Variants in FRMD1 observed in about 807,000 individuals in gnomAD.
FRMD1 encodes FERM domain-containing protein 1.
In FRMD1, 51 loss-of-function variants were observed where a neutral mutation model predicts 54.9. The observed-to-expected ratio is 0.93, with a 90% CI of 0.74 to 1.17. The LOEUF (loss-of-function observed/expected upper bound fraction) is 1.17. FRMD1 is among the 50% of genes most tolerant of loss of function. The pLI is 0.00. For missense variants in FRMD1, 729 were observed against 743.0 expected (o/e 0.98, Z 0.22); for synonymous variants, 324 against 306.4 (o/e 1.06, Z -0.60).
intron 2 of FRMD1, among the ~76,000 whole-genome samples, chr6:168,073,594 C>T (rs986815977): frequency 6.6e-6 from 1 of 152,156 alleles, no homozygotes; most frequent in Non-Finnish European, 1.5e-5. Flanking sequence ...GCACTCTCGC[C>T]TCTACTTTGA....
At chr6:168,079,396 C>T (rs1236207326), upstream of FRMD1, among the ~76,000 whole-genome samples, 1 of 152,222 alleles carries the variant, frequency 6.6e-6, no homozygotes, top group East Asian at 1.9e-4. Flanking sequence ...CCCGTGAGAA[C>T]CAGGCTGGGG....
upstream of FRMD1, among the ~76,000 whole-genome samples, chr6:168,082,989 G>C (rs1800861452): frequency 6.6e-6 from 1 of 152,204 alleles, no homozygotes; most frequent in South Asian, 2.1e-4. Flanking sequence ...AGGAATCCAA[G>C]CCTGGCCCAG....
At chr6:168,074,203 G>A (rs1448545988) in intron 2 of FRMD1, among the ~76,000 whole-genome samples, 1 of 152,118 alleles carries the variant, frequency 6.6e-6, no homozygotes, top group Admixed American at 6.6e-5. Flanking sequence ...TGCAGGGTCT[G>A]TGGAGCCCAG....
chr6:168,062,800 C>T (rs1799820459), intron 7 of FRMD1, 94 bp downstream of exon 7: 1 of 1,605,930 alleles, frequency 6.2e-7, no homozygotes, highest in South Asian at 1.1e-5. Context: ...ATGACCGCTG[C>T]AGGGATGCTA....
chr6:168,059,743 C>T lies in FRMD1; in HGVS notation c.1343-555G>A, dbSNP rs539709964. On this transcript the variant is annotated intron_variant, in intron 9 of 10. Coordinates refer to ENST00000283309, the MANE Select transcript of FRMD1 (RefSeq NM_024919.6). This position sits in a 1 kb window ranked among gnomAD's most constrained non-coding sequence, Gnocchi z 4.4. ...TGAGGAAGCTCTTCAGGGCCTCATA[C>T]ACAGGGACTGGGCTGGACGCATCCC... 1.6e-4 allele frequency among the ~76,000 whole-genome samples: 24 copies of T among 152,256 alleles called. No homozygotes were observed. The highest frequency in any genetic ancestry group is 2.6e-4 in the Non-Finnish European group (18 of 68,016).
At chr6:168,092,106 C>G (rs564045749) in intron 1 of FRMD1, among the ~76,000 whole-genome samples, 1 of 152,238 alleles carries the variant, frequency 6.6e-6, no homozygotes, top group African/African-American at 2.4e-5. Flanking sequence ...GTGGACAGAG[C>G]GCTGCCAACC....
intron 4 of FRMD1, 30 bp from the exon 5 acceptor site, chr6:168,065,087 A>G (rs1179567082): frequency 1.9e-6 from 3 of 1,580,144 alleles, no homozygotes; most frequent in South Asian, 2.3e-5. Context: ...GAGTTCCAGG[A>G]CGACCGGTGT....
At chr6:168,067,486 T>C in intron 2 of FRMD1, 40 bp from the exon 3 acceptor site, 1 of 1,287,904 alleles carries the variant, frequency 7.8e-7, no homozygotes, top group Non-Finnish European at 1.1e-6. Context: ...GCAGTCACCA[T>C]GCTTCTCAGG....
At chr6:168,065,703 G>A (rs1204928385) in intron 4 of FRMD1, 2 of 986,742 alleles carry the variant, frequency 2.0e-6, no homozygotes, top group African/African-American at 1.8e-5. Context: ...ACATACCAGT[G>A]TCTCCAGGGC....
intron 1 of FRMD1, among the ~76,000 whole-genome samples, chr6:168,087,365 A>G (rs1370874097): frequency 6.6e-6 from 1 of 152,156 alleles, no homozygotes; most frequent in African/African-American, 2.4e-5. Flanking sequence ...ACTGTGCCCG[A>G]ACTTATTTCA....
rs1315702865 is a variant in FRMD1 at position 168,059,311 on chromosome 6, C to T, written c.1343-123G>A. ...GACCGGCATCTCCTGAGGCTCACAC[C>T]GCCCCCTTGCTCTCAGTGCGGTGAC... On this transcript the variant is annotated intron_variant, in intron 9 of 10. Coordinates refer to ENST00000283309, the MANE Select transcript of FRMD1 (RefSeq NM_024919.6). This position sits in a 1 kb window ranked among gnomAD's most constrained non-coding sequence, Gnocchi z 4.4. The T allele has an allele frequency of 1.6e-5, 12 of 752,776 alleles. No homozygotes were observed. Among genetic ancestry groups the T allele is most frequent in the Non-Finnish European group, 1.7e-5 (8 of 461,108 alleles). The allele number at this position is 752,776 out of a possible 1,614,324, so 46.6% of individuals were successfully genotyped here.
At position 168,078,934 on chromosome 6, in the gene FRMD1, C is replaced by T. The variant is rs777425624; in HGVS notation, c.161G>A (p.Arg54Lys). The T allele has an allele frequency of 4.8e-5, 77 of 1,608,592 alleles. No individual in the cohort carries two copies. In the Middle Eastern group the frequency reaches 1.8e-3, roughly 38 times the overall value. The change falls in exon 1 of 11, where the codon AGG (arginine) becomes AAG (lysine). Residue 54 changes from arginine to lysine, a missense_variant. Physicochemically the swap from Arg to Lys is conservative, Grantham distance 26 (BLOSUM62 2). Transcript: ENST00000283309. ...GCTGGGCAGCAGCACGAGGACATCC[C>T]TGTGTTCCGAGGCCATCGCGTCCAT... is the stretch of plus-strand genomic sequence containing the variant. ...LGMDAMASEH[R>K]DVLVLLPSRE...
chr6:168,085,664 G>A (rs951589124), upstream of FRMD1, among the ~76,000 whole-genome samples: 1 of 152,300 alleles, frequency 6.6e-6, no homozygotes, highest in African/African-American at 2.4e-5. Context: ...CATGGCCACC[G>A]TGAGAACTGC....
intron 2 of FRMD1, among the ~76,000 whole-genome samples, chr6:168,068,502 T>G (rs907063837): frequency 6.6e-6 from 1 of 152,216 alleles, no homozygotes; most frequent in African/African-American, 2.4e-5. Context: ...TTACATCATC[T>G]TGAGATTCCT....
At chr6:168,073,552 G>A (rs113579248) in intron 2 of FRMD1, among the ~76,000 whole-genome samples, 2,173 of 152,152 alleles carry the variant, frequency 0.014, 55 homozygotes, top group African/African-American at 0.049. Flanking sequence ...TGCTCCAGGC[G>A]GAGATTAGGG....
rs755246476 is a variant in FRMD1, at chr6:168,060,855, G to T, written c.1248C>A (p.Asp416Glu). The T allele has an allele frequency of 1.2e-6, 2 of 1,613,746 alleles. No homozygotes were observed. Among genetic ancestry groups the T allele is most frequent in the Admixed American group, 1.7e-5 (1 of 60,028 alleles). ...WLRESREMSV[D>E]VPLEVHGLHE... ...GGAGCCCGTGGACCTCCAAGGGCAC[G>T]TCCACAGACATCTCTCTGGATTCCC... is the stretch of plus-strand genomic sequence containing the variant. Residue 416 changes from aspartate to glutamate, a missense_variant, in exon 9 of 11, where the codon GAC becomes GAA. Asp to Glu is a conservative substitution (Grantham distance 45). Coordinates refer to ENST00000283309, the MANE Select transcript of FRMD1 (RefSeq NM_024919.6).
intron 10 of FRMD1, among the ~76,000 whole-genome samples, chr6:168,058,559 G>A (rs936788769): frequency 3.9e-5 from 6 of 151,964 alleles, no homozygotes; most frequent in South Asian, 2.1e-4. Context: ...AGCCGGGGGC[G>A]GGGGTTGGGG....
intron 6 of FRMD1, 55 bp from the exon 7 acceptor site, chr6:168,063,014 TGATGGCA>T: frequency 6.8e-7 from 1 of 1,462,576 alleles, no homozygotes; most frequent in Non-Finnish European, 9.6e-7. Context: ...TGGGCCTCAC[TGATGGCA>T]GAGTATGGTC....
At position 168,059,159 on chromosome 6, in the gene FRMD1, T is replaced by A; in HGVS notation, c.1372A>T (p.Arg458Trp). The A allele has an allele frequency of 6.3e-7, 1 of 1,587,594 alleles. No homozygotes were observed. Among genetic ancestry groups the A allele is most frequent in the Non-Finnish European group, 8.5e-7 (1 of 1,170,454 alleles). The change falls in exon 10 of 11, where the codon AGG becomes TGG. Residue 458 changes from arginine to tryptophan, a missense_variant. Transcript: ENST00000283309. The surrounding 1 kb of genome is among the most constrained non-coding windows in gnomAD (Gnocchi z 4.4). ...ATRQEPCTQV[R>W]TRGQSAEAVH... ...GCCTCGGCGCTCTGGCCTCTGGTCCTGACCTGGGTGCAGGGCTCCTGACGA... is the reference window on the plus strand; with the variant it reads ...GCCTCGGCGCTCTGGCCTCTGGTCCAGACCTGGGTGCAGGGCTCCTGACGA...
Sources: gnomAD v4.1 joint callset for allele counts (sites outside exome capture counted in the v4.1 genomes callset) on GRCh38, gnomAD v4.1.1 for gene constraint, Gnocchi (gnomAD v3.1) non-coding constraint, MANE v1.5 for transcripts, NCBI Gene and HGNC (gene_info 2026-07-23, HGNC 2026-07-21) for gene names.